TRPM8: variants seen among roughly 807,000 people sequenced by gnomAD.
TRPM8 encodes TRPM8 cationic channel.
Under a neutral mutation model 133.7 loss-of-function variants are expected in TRPM8, and 110 were observed. That is an observed-to-expected ratio of 0.82 (90% CI 0.70 to 0.96). The LOEUF (loss-of-function observed/expected upper bound fraction) is 0.96, where lower values mean the gene tolerates loss of function less well. Among genes scored for constraint, TRPM8 ranks in the 40% least tolerant of loss-of-function variants. The probability of loss-of-function intolerance (pLI) is 0.00; values close to 1 mark genes in which losing one functional copy is unlikely to be tolerated. For synonymous variants in TRPM8, 535 were observed against 532.3 expected, an observed-to-expected ratio of 1.01 and a Z score of -0.07; for missense variants, 1,291 against 1,379.5, an observed-to-expected ratio of 0.94 and a Z score of 1.02.
At chr2:233,964,862 C>G in intron 14 of TRPM8, 105 bp downstream of exon 14, 2 of 1,250,190 alleles carry the variant, frequency 1.6e-6, no homozygotes, top group African/African-American at 2.9e-5. Flanking sequence ...GTGGCATGTC[C>G]AAGCTCCCCA....
intron 3 of TRPM8, among the ~76,000 whole-genome samples, chr2:233,937,095 C>T (rs1690767446): frequency 1.3e-5 from 2 of 151,972 alleles, no homozygotes; most frequent in African/African-American, 2.4e-5. Flanking sequence ...GGGGTTTCAC[C>T]ATGTTGCCTA....
At position 233,976,857 on chromosome 2, in the gene TRPM8, C is replaced by T. The variant is rs983415985; in HGVS notation, c.2356-3331C>T. Reference sequence around the variant, plus strand: ...GGAGATTCTTATCGTTAAAATAATCCGACACTTGGGGTCACTGTTTCTCTT... The same window carrying T: ...GGAGATTCTTATCGTTAAAATAATCTGACACTTGGGGTCACTGTTTCTCTT... On this transcript the variant is annotated intron_variant, in intron 17 of 25. Coordinates refer to ENST00000324695, the MANE Select transcript of TRPM8 (RefSeq NM_024080.5). Among the ~76,000 whole-genome samples, 4 of 152,132 alleles carry T rather than the reference C, an allele frequency of 2.6e-5. No homozygotes were observed. The South Asian group carries it at 6.2e-4, about 24-fold the overall frequency.
intron 14 of TRPM8, 102 bp from the exon 15 acceptor site, chr2:233,966,507 CA>C (rs1691579027): frequency 7.0e-7 from 1 of 1,419,788 alleles, no homozygotes; most frequent in Non-Finnish European, 9.8e-7. Flanking sequence ...GACTCACGCA[CA>C]GGCTATTTTT....
chr2:233,956,669 T>C (rs935208021), intron 11 of TRPM8, among the ~76,000 whole-genome samples: 2 of 152,246 alleles, frequency 1.3e-5, no homozygotes, highest in African/African-American at 4.8e-5. Flanking sequence ...AATCAAAGAC[T>C]AAGACTCGAT....
At chr2:233,936,986 T>A (rs767416476) in intron 3 of TRPM8, among the ~76,000 whole-genome samples, 75 of 136,534 alleles carry the variant, frequency 5.5e-4, no homozygotes, top group Admixed American at 1.9e-3. Context: ...AACCTCCACC[T>A]CCTGGGTTCA....
chr2:233,950,276 A>G, intron 9 of TRPM8, 130 bp downstream of exon 9: 1 of 857,748 alleles, frequency 1.2e-6, no homozygotes, highest in South Asian at 1.8e-5. Context: ...TTTGAGGCTC[A>G]ACAGGTGTCT....
intron 1 of TRPM8, among the ~76,000 whole-genome samples, chr2:233,925,054 G>A (rs952557961): frequency 6.6e-6 from 1 of 152,216 alleles, no homozygotes; most frequent in African/African-American, 2.4e-5. Context: ...CTGGATGGAG[G>A]AGTCATGGCC....
Position 233,930,776 on chromosome 2 carries a change from A to G in TRPM8, c.191+35A>G, listed in dbSNP as rs1691664872. On this transcript the variant is annotated intron_variant, in intron 3 of 25. Coordinates refer to ENST00000324695, the MANE Select transcript of TRPM8 (RefSeq NM_024080.5). ...TATTTTCCCTCCAGTTTTGCTTTCC[A>G]AGTTCAAAAAAATTATCAGCCACCC... is the stretch of plus-strand genomic sequence containing the variant. 8 of 1,499,046 alleles carry G rather than the reference A, an allele frequency of 5.3e-6. No homozygotes were observed. The South Asian group carries it at 8.2e-5, about 15-fold the overall frequency. 92.9% of individuals were successfully genotyped at this position (1,499,046 alleles called of 1,614,324 possible).
intron 5 of TRPM8, among the ~76,000 whole-genome samples, chr2:233,941,047 C>T (rs1690893815): frequency 6.6e-6 from 1 of 152,170 alleles, no homozygotes; most frequent in Non-Finnish European, 1.5e-5. Flanking sequence ...ATCTCTTGGG[C>T]ATTTGTGCAC....
In TRPM8 at chr2:233,927,926, C is replaced by CTCTT. The variant is rs1559516702; in HGVS notation, c.117+1275_117+1276insTTCT. Reference sequence around the variant, plus strand: ...TCTTTCTTTCTCTCTCTCTCTCTTTCTCTCTCTCTCTCTCTCTCTCTCTCT... The same window carrying CTCTT: ...TCTTTCTTTCTCTCTCTCTCTCTTTCTCTTTCTCTCTCTCTCTCTCTCTCTCTCT... On this transcript the variant is annotated intron_variant, in intron 2 of 25. Coordinates refer to ENST00000324695, the MANE Select transcript of TRPM8 (RefSeq NM_024080.5). 3.8e-4 allele frequency among the ~76,000 whole-genome samples: 8 copies of CTCTT among 21,088 alleles called. 1 individual carries two copies. The East Asian group carries it at 4.8e-3, about 13-fold the overall frequency. The allele number at this position is 21,088 out of a possible 152,430, so 13.8% of individuals were successfully genotyped here.
chr2:233,947,202 C>T (rs1691065614), intron 8 of TRPM8, 47 bp downstream of exon 8: 2 of 1,607,100 alleles, frequency 1.2e-6, no homozygotes, highest in East Asian at 2.2e-5. Flanking sequence ...TAAGCCTATC[C>T]AACAAATTTG....
intron 5 of TRPM8, among the ~76,000 whole-genome samples, chr2:233,941,292 G>A (rs996814020): frequency 6.6e-6 from 1 of 152,188 alleles, no homozygotes; most frequent in Non-Finnish European, 1.5e-5. Context: ...GGCAGGTGAA[G>A]TTTGGCAGGC....
Position 234,018,968 on chromosome 2 carries a change from T to C in TRPM8, c.*1712T>C, listed in dbSNP as rs1056009687. On this transcript the variant is annotated 3_prime_UTR_variant, in exon 26 of 26. Transcript: ENST00000324695. ...TCCCAGCTTTCTCTGGAAGTGGTCG[T>C]ATTTGAGCAGGATGTGCACAAGGCA... The C allele has an allele frequency of 6.6e-6, 1 of 152,160 alleles. No homozygotes were observed. The highest frequency in any genetic ancestry group is 6.5e-5 in the Admixed American group (1 of 15,270). 9.4% of individuals were successfully genotyped at this position (152,160 alleles called of 1,614,324 possible).
chr2:233,975,181 T>G (rs1302347336), intron 17 of TRPM8, among the ~76,000 whole-genome samples: 1 of 46,198 alleles, frequency 2.2e-5, no homozygotes, highest in Non-Finnish European at 5.2e-5. Context: ...CTTATTCACA[T>G]TTGGTCCTCG....
chr2:233,946,259 C>T (rs1010354233), intron 7 of TRPM8: 14 of 419,298 alleles, frequency 3.3e-5, no homozygotes, highest in African/African-American at 1.2e-4. Flanking sequence ...ATGATAAATA[C>T]GGCCATCTTC....
chr2:234,002,348 C>T (rs1454296000), intron 22 of TRPM8, among the ~76,000 whole-genome samples: 12 of 152,038 alleles, frequency 7.9e-5, no homozygotes, highest in East Asian at 1.9e-4. Flanking sequence ...TAGCTCCATA[C>T]GGTCCCCTTT....
At chr2:233,961,544 T>A (rs1691438310) in intron 12 of TRPM8, among the ~76,000 whole-genome samples, 1 of 150,308 alleles carries the variant, frequency 6.7e-6, no homozygotes, top group Admixed American at 6.6e-5. Context: ...CTCCGCGTGA[T>A]CTGTCCACCT....
At chr2:233,956,923 T>C (rs917765156) in intron 11 of TRPM8, among the ~76,000 whole-genome samples, 6 of 152,222 alleles carry the variant, frequency 3.9e-5, no homozygotes, top group Non-Finnish European at 8.8e-5. Flanking sequence ...TGAGGTCAGA[T>C]GGTACAAATA....
rs766820835 is a variant in TRPM8 at position 233,963,349 on chromosome 2, A to G, written c.1721A>G (p.Lys574Arg). The G allele has an allele frequency of 8.1e-6, 13 of 1,613,296 alleles. No homozygotes were observed. The highest frequency in any genetic ancestry group is 1.6e-4 in the Middle Eastern group (1 of 6,084). The stretch of plus-strand genomic sequence containing the variant: ...ATCTGGGCCATTCTTCAGAATAAGA[A>G]GGAACTCTCCAAAGTCATTTGGGAG... ...LFIWAILQNKKELSKVIWEQT... is the reference protein window; with the variant it reads ...LFIWAILQNKRELSKVIWEQT... Residue 574 changes from lysine to arginine, a missense_variant, in exon 13 of 26, where the codon AAG (lysine) becomes AGG (arginine). Lys to Arg is a conservative substitution (Grantham distance 26, BLOSUM62 2). This residue lies in a region of TRPM8 where 963 missense variants were observed against 968.9 expected (regional missense o/e 0.99). Transcript: ENST00000324695.
Sources: gnomAD v4.1 joint callset for allele counts (sites outside exome capture counted in the v4.1 genomes callset) on GRCh38, gnomAD v4.1.1 for gene constraint, gnomAD v4.1.1 regional missense constraint, MANE v1.5 for transcripts, NCBI Gene and HGNC (gene_info 2026-07-23, HGNC 2026-07-21) for gene names.